The following HDGFL2 variants were observed in gnomAD, a reference collection of about 807,000 sequenced individuals.
HDGFL2 encodes the protein HDGF like 2.
A neutral mutation model predicts 77.1 loss-of-function variants in HDGFL2; 36 were observed. That is an observed-to-expected ratio of 0.47 (90% CI 0.36 to 0.62). The LOEUF (loss-of-function observed/expected upper bound fraction) is 0.62. HDGFL2 is among the 20% of genes least tolerant of loss of function. HDGFL2 has a pLI of 0.00. For missense variants in HDGFL2, 976 were observed against 973.4 expected (o/e 1.00, Z -0.04); for synonymous variants, 463 against 413.1 (o/e 1.12, Z -1.46).
Position 4,499,715 on chromosome 19 carries a change from G to T in HDGFL2, c.1789+11G>T. On this transcript the variant is annotated intron_variant, in intron 14 of 15. Transcript: ENST00000616600. Reference sequence around the variant, plus strand: ...ACAAGCCCAGCACCGGTGAGGGGCGGGTGGGGTGGGCCCTGTACCTCAGTC... The same window carrying T: ...ACAAGCCCAGCACCGGTGAGGGGCGTGTGGGGTGGGCCCTGTACCTCAGTC... The T allele has an allele frequency of 1.3e-6, 2 of 1,533,830 alleles. No homozygotes were observed. Among genetic ancestry groups the T allele is most frequent in the Non-Finnish European group, 1.8e-6 (2 of 1,132,950 alleles).
chr19:4,495,614 G>C (rs1173292566), intron 9 of HDGFL2, among the ~76,000 whole-genome samples: 1 of 151,996 alleles, frequency 6.6e-6, no homozygotes, highest in Non-Finnish European at 1.5e-5. Context: ...AGGCCGGGTA[G>C]GGCCATGTGG....
intron 4 of HDGFL2, among the ~76,000 whole-genome samples, chr19:4,491,249 A>AACCCCCCCCC (rs1975499153): frequency 2.5e-5 from 1 of 39,474 alleles, no homozygotes; most frequent in Non-Finnish European, 4.8e-5. Flanking sequence ...CACTCCCACC[A>AACCCCCCCCC]CCCACCCCCC....
At chr19:4,498,519 C>A (rs1975769831) in intron 12 of HDGFL2, 143 bp downstream of exon 12, 1 of 691,602 alleles carries the variant, frequency 1.4e-6, no homozygotes, top group Non-Finnish European at 2.5e-6. Flanking sequence ...CTAGTGAGCG[C>A]ATGGGGTCTC....
intron 4 of HDGFL2, among the ~76,000 whole-genome samples, chr19:4,489,750 AT>A (rs1218583880): frequency 6.6e-6 from 1 of 152,174 alleles, no homozygotes; most frequent in Non-Finnish European, 1.5e-5. Flanking sequence ...TTTAAAAAAA[AT>A]TGAGTTATAG....
intron 11 of HDGFL2, 22 bp downstream of exon 11, chr19:4,498,053 C>A (rs368748256): frequency 6.5e-7 from 1 of 1,543,752 alleles, no homozygotes; most frequent in Admixed American, 2.0e-5. Context: ...CTGCCCAGCA[C>A]TGCCCACACT....
At chr19:4,473,278 T>C (rs1974992032) in intron 1 of HDGFL2, among the ~76,000 whole-genome samples, 1 of 142,766 alleles carries the variant, frequency 7.0e-6, no homozygotes, top group Admixed American at 6.9e-5. Context: ...CTGAGGAAGC[T>C]GCGCTCTGGG....
intron 6 of HDGFL2, among the ~76,000 whole-genome samples, chr19:4,492,150 GAGGT>G (rs1975531999): frequency 6.6e-6 from 1 of 152,236 alleles, no homozygotes; most frequent in Non-Finnish European, 1.5e-5. Flanking sequence ...AGAGAGGAGA[GAGGT>G]GTGTGCCAGT....
At chr19:4,476,189 CTTTTTTT>C (rs34154932) in intron 3 of HDGFL2, among the ~76,000 whole-genome samples, 3 of 83,978 alleles carry the variant, frequency 3.6e-5, no homozygotes, top group South Asian at 3.6e-4. Flanking sequence ...TGTGCCCAGC[CTTTTTTT>C]TTTTTTTTTT....
At chr19:4,472,458 G>GT (rs767974610) in intron 1 of HDGFL2, 36 bp downstream of exon 1, 54 of 449,602 alleles carry the variant, frequency 1.2e-4, no homozygotes, top group Admixed American at 4.0e-4. Context: ...GGTGGGGGGG[G>GT]GGGGGGGGGC....
At chr19:4,501,029 C>G (rs1269390636) in intron 14 of HDGFL2, among the ~76,000 whole-genome samples, 162 bp from the exon 15 acceptor site, 1 of 152,196 alleles carries the variant, frequency 6.6e-6, no homozygotes, top group Non-Finnish European at 1.5e-5. Flanking sequence ...CATCCCATGT[C>G]AGGAGCTTGC....
chr19:4,498,943 G>T, intron 13 of HDGFL2, 28 bp downstream of exon 13: 1 of 1,507,426 alleles, frequency 6.6e-7, no homozygotes, highest in South Asian at 1.2e-5. Context: ...GAGGCGCAGG[G>T]TGCAGTCGGG....
chr19:4,494,279 GGGAGCA>G lies in HDGFL2; in HGVS notation c.1033_1038del (p.Gln345_Glu346del), dbSNP rs938476380. 2.8e-6 allele frequency: 4 copies of G among 1,452,358 alleles called. No individual in the cohort carries two copies. The highest frequency in any genetic ancestry group is 2.7e-6 in the Non-Finnish European group (3 of 1,106,556). 90.0% of individuals were successfully genotyped at this position (1,452,358 alleles called of 1,614,324 possible). ...CAGGAGGAGGAGCTGCGGCGCCTGC[GGGAGCA>G]GGAGAAGGAGGAGAAGGAGCGGAGG... On this transcript the variant is annotated inframe_deletion, in exon 9 of 16. Coordinates refer to ENST00000616600, the MANE Select transcript of HDGFL2 (RefSeq NM_001001520.3).
chr19:4,500,429 G>A (rs1396911285), intron 14 of HDGFL2, among the ~76,000 whole-genome samples: 6 of 151,128 alleles, frequency 4.0e-5, no homozygotes, highest in African/African-American at 1.5e-4. Context: ...GGGATTGTAG[G>A]CCTACACCAC....
In HDGFL2 at chr19:4,502,073, G is replaced by T. The variant is rs767717333; in HGVS notation, c.*63G>T. On this transcript the variant is annotated 3_prime_UTR_variant, in exon 16 of 16. Coordinates refer to ENST00000616600, the MANE Select transcript of HDGFL2 (RefSeq NM_001001520.3). ...GGCTGCCCCTCTCCTTCCCCGGCTCGCAGGAGAGCAGAGCAGAGAACTGTG... is the reference window on the plus strand; with the variant it reads ...GGCTGCCCCTCTCCTTCCCCGGCTCTCAGGAGAGCAGAGCAGAGAACTGTG... 5.2e-6 allele frequency: 6 copies of T among 1,163,584 alleles called. No individual in the cohort carries two copies. Among genetic ancestry groups the T allele is most frequent in the South Asian group, 2.6e-5 (2 of 76,510 alleles). 72.1% of individuals were successfully genotyped at this position (1,163,584 alleles called of 1,614,324 possible).
At chr19:4,477,695 A>T (rs1414557697) in intron 3 of HDGFL2, among the ~76,000 whole-genome samples, 1 of 152,124 alleles carries the variant, frequency 6.6e-6, no homozygotes, top group Non-Finnish European at 1.5e-5. Flanking sequence ...CCCTGTACAG[A>T]TCCCCCAAGA....
At chr19:4,482,285 C>T (rs1306878521) in intron 3 of HDGFL2, among the ~76,000 whole-genome samples, 1 of 151,920 alleles carries the variant, frequency 6.6e-6, no homozygotes, top group Non-Finnish European at 1.5e-5. Flanking sequence ...TCTCGGCTCA[C>T]TGCAAGCTCC....
intron 4 of HDGFL2, among the ~76,000 whole-genome samples, chr19:4,491,261 A>T (rs1044785258): frequency 1.3e-4 from 3 of 22,700 alleles, no homozygotes; most frequent in Admixed American, 4.6e-4. Context: ...CCACCCCCCC[A>T]CCCCCCCACC....
intron 3 of HDGFL2, among the ~76,000 whole-genome samples, chr19:4,483,134 T>C (rs1599705643): frequency 6.6e-6 from 1 of 152,282 alleles, no homozygotes; most frequent in East Asian, 1.9e-4. Flanking sequence ...CTGACCTACT[T>C]AGTATTACCC....
At chr19:4,497,802 T>TGGCAGG (rs1325573745) in intron 10 of HDGFL2, 156 bp from the exon 11 acceptor site, 2 of 645,242 alleles carry the variant, frequency 3.1e-6, no homozygotes, top group Non-Finnish European at 5.4e-6. Flanking sequence ...GCCTAGGCTG[T>TGGCAGG]GGCAGGGCCT....
Sources: allele counts gnomAD v4.1 joint callset (sites outside exome capture counted in the v4.1 genomes callset), GRCh38; gene constraint gnomAD v4.1.1; transcripts MANE v1.5; gene names NCBI Gene and HGNC (gene_info 2026-07-23, HGNC 2026-07-21).